The following ANKRD6 variants were observed in gnomAD, a reference collection of about 807,000 sequenced individuals.
ANKRD6 encodes ankyrin repeat domain-containing protein 6.
ANKRD6 carries 56 observed loss-of-function variants against 82.3 expected under a neutral mutation model. The ratio of observed to expected loss-of-function variants is 0.68; its 90% CI spans 0.55 to 0.85. The LOEUF is 0.85. ANKRD6 is among the 40% of genes least tolerant of loss of function. ANKRD6 has a pLI of 0.00. For missense variants in ANKRD6, 852 were observed against 907.6 expected (o/e 0.94, Z 0.79); for synonymous variants, 347 against 352.1 (o/e 0.99, Z 0.16).
At chr6:89,492,006 G>A (rs1316374688) in intron 1 of ANKRD6, among the ~76,000 whole-genome samples, 1 of 152,108 alleles carries the variant, frequency 6.6e-6, no homozygotes, top group Non-Finnish European at 1.5e-5. Flanking sequence ...AAAAATACAT[G>A]TTTCCCTATT....
chr6:89,550,916 A>G (rs1785762854), intron 1 of ANKRD6, among the ~76,000 whole-genome samples: 1 of 152,210 alleles, frequency 6.6e-6, no homozygotes, highest in Admixed American at 6.5e-5. Context: ...AGACTGCACC[A>G]CTGCACTCCA....
intron 1 of ANKRD6, among the ~76,000 whole-genome samples, chr6:89,534,744 A>T (rs1190070300): frequency 6.6e-6 from 1 of 152,168 alleles, no homozygotes; most frequent in Non-Finnish European, 1.5e-5. Context: ...GGGTGAGGGG[A>T]GACAAGATGC....
intron 13 of ANKRD6, among the ~76,000 whole-genome samples, chr6:89,626,856 C>T (rs1284572532): frequency 1.3e-5 from 2 of 152,226 alleles, no homozygotes; most frequent in Admixed American, 6.5e-5. Flanking sequence ...TCCTTCTACA[C>T]TCTTCTTACG....
At chr6:89,539,058 A>G (rs1784181722) in intron 1 of ANKRD6, among the ~76,000 whole-genome samples, 1 of 152,162 alleles carries the variant, frequency 6.6e-6, no homozygotes. Context: ...AAGAAGATCC[A>G]CATATGGGAA....
chr6:89,532,778 T>C (rs1783334083), intron 1 of ANKRD6, among the ~76,000 whole-genome samples: 1 of 152,128 alleles, frequency 6.6e-6, no homozygotes, highest in Non-Finnish European at 1.5e-5. Flanking sequence ...CTTGGCTCAC[T>C]TCAACCTTTG....
chr6:89,478,085 C>G (rs911948355), intron 1 of ANKRD6: 5 of 152,098 alleles, frequency 3.3e-5, no homozygotes, highest in African/African-American at 1.2e-4. Flanking sequence ...AAAATGAGGT[C>G]AGTAGAGTGG....
chr6:89,613,942 C>T, intron 7 of ANKRD6, 52 bp downstream of exon 7: 7 of 1,583,254 alleles, frequency 4.4e-6, no homozygotes, highest in Non-Finnish European at 6.1e-6. Context: ...CACAAGGCTA[C>T]CGGACAGGTC....
intron 1 of ANKRD6, among the ~76,000 whole-genome samples, chr6:89,501,226 A>T (rs1779225400): frequency 6.6e-6 from 1 of 152,212 alleles, no homozygotes; most frequent in Non-Finnish European, 1.5e-5. Context: ...GTTTTCCCTT[A>T]TGGAAGCCTA....
rs762320906 is a variant in ANKRD6 at position 89,623,908 on chromosome 6, C to T, written c.1069C>T (p.Gln357Ter). The T allele has an allele frequency of 1.2e-6, 2 of 1,613,794 alleles. No individual in the cohort carries two copies. The highest frequency in any genetic ancestry group is 1.7e-5 in the Admixed American group (1 of 60,000). The change falls in exon 12 of 16, where the codon CAA becomes TAA. Residue 357 changes from glutamine (Q) to a stop codon, truncating the protein, a stop_gained. Transcript: ENST00000339746. LOFTEE classifies it high-confidence loss of function. ...TTCTGACCCCACCCCACCAGCCGAC[C>T]AACAGCCTGGACACCAGAAGAACCT... is the stretch of plus-strand genomic sequence containing the variant. ...AFSDPTPPAD[Q>*]QPGHQKNLHA...
intron 1 of ANKRD6, among the ~76,000 whole-genome samples, chr6:89,535,148 A>G (rs1235588428): frequency 6.6e-6 from 1 of 152,246 alleles, no homozygotes; most frequent in African/African-American, 2.4e-5. Flanking sequence ...TTCATTAAAA[A>G]TGGAATGTAT....
At position 89,550,824 on chromosome 6, in the gene ANKRD6, C is replaced by T. The variant is rs941142525; in HGVS notation, c.-143-16010C>T. 1.1e-4 allele frequency among the ~76,000 whole-genome samples: 16 copies of T among 152,084 alleles called. 1 individual carries two copies. Among genetic ancestry groups the T allele is most frequent in the Non-Finnish European group, 1.9e-4 (13 of 67,982 alleles). ...TTCAAAAATTAGCAGGGCATGGTGG[C>T]GGGCGCCTGTAGTCCCAGCTACTTG... On this transcript the variant is annotated intron_variant, in intron 1 of 15. Coordinates refer to ENST00000339746, the MANE Select transcript of ANKRD6 (RefSeq NM_001242809.2).
intron 5 of ANKRD6, among the ~76,000 whole-genome samples, chr6:89,608,871 TCCTC>T (rs1799481992): frequency 6.6e-6 from 1 of 152,172 alleles, no homozygotes; most frequent in Non-Finnish European, 1.5e-5. Flanking sequence ...ATCCTGCTCT[TCCTC>T]TGCTCAGCGA....
At position 89,630,821 on chromosome 6, in the gene ANKRD6, T is replaced by C. The variant is rs1563187420; in HGVS notation, c.2001T>C (p.Leu667=). 5 of 1,613,822 alleles carry C rather than the reference T, an allele frequency of 3.1e-6. No individual in the cohort carries two copies. Among genetic ancestry groups the C allele is most frequent in the African/African-American group, 1.3e-5 (1 of 74,918 alleles). The stretch of plus-strand genomic sequence containing the variant: ...GGGACACCTCCCAAGCTCTGGAGCT[T>C]ACCCAGTATTTTTTTGAGGCTGTTT... ...HIRDTSQALE[L]TQYFFEAVST... Residue 667 remains leucine, a synonymous_variant, in exon 16 of 16, where the codon CTT becomes CTC. Transcript: ENST00000339746.
chr6:89,549,588 A>G (rs562008006), intron 1 of ANKRD6, among the ~76,000 whole-genome samples: 49 of 152,334 alleles, frequency 3.2e-4, no homozygotes, highest in African/African-American at 1.1e-3. Context: ...ACAACCTCCC[A>G]TGCATTCAGG....
intron 1 of ANKRD6, among the ~76,000 whole-genome samples, chr6:89,462,241 A>AAAG (rs1774249216): frequency 6.8e-6 from 1 of 147,440 alleles, no homozygotes; most frequent in East Asian, 2.0e-4. Context: ...CAAAATAATA[A>AAAG]TAATAATAAT....
intron 3 of ANKRD6, chr6:89,598,058 T>C: frequency 2.1e-6 from 2 of 961,608 alleles, no homozygotes; most frequent in Non-Finnish European, 2.5e-6. Context: ...ATGTTAATGA[T>C]ATGAAGAATT....
chr6:89,621,830 C>A (rs1328203234), intron 9 of ANKRD6, 92 bp from the exon 10 acceptor site: 1 of 1,245,098 alleles, frequency 8.0e-7, no homozygotes, highest in Non-Finnish European at 1.2e-6. Flanking sequence ...GCTGTAAATT[C>A]CATTAGGTCA....
intron 1 of ANKRD6, among the ~76,000 whole-genome samples, chr6:89,546,907 A>T (rs941552717): frequency 1.3e-5 from 2 of 152,128 alleles, no homozygotes; most frequent in Non-Finnish European, 2.9e-5. Flanking sequence ...AGTCCTTGGC[A>T]CTTACAGGAT....
At chr6:89,571,626 G>A (rs903588772) in intron 2 of ANKRD6, among the ~76,000 whole-genome samples, 4 of 151,898 alleles carry the variant, frequency 2.6e-5, no homozygotes, top group East Asian at 1.9e-4. Flanking sequence ...TTTTAGAGCC[G>A]TTTTAGATTC....
Sources: allele counts gnomAD v4.1 joint callset (sites outside exome capture counted in the v4.1 genomes callset), GRCh38; gene constraint gnomAD v4.1.1; transcripts MANE v1.5; gene names NCBI Gene and HGNC (gene_info 2026-07-23, HGNC 2026-07-21).